Variants in NIBAN2 observed in about 807,000 individuals in gnomAD.
NIBAN2 encodes niban apoptosis regulator 2.
NIBAN2 carries 36 observed loss-of-function variants against 81.8 expected under a neutral mutation model. The ratio of observed to expected loss-of-function variants is 0.44; its 90% CI spans 0.34 to 0.58. The LOEUF is 0.58. NIBAN2 is among the 20% of genes least tolerant of loss of function. The pLI, the probability that NIBAN2 is intolerant of heterozygous loss-of-function variation, is 0.02. For synonymous variants in NIBAN2, 445 were observed against 441.6 expected (o/e 1.01, Z -0.10); for missense variants, 897 against 1,014.1 (o/e 0.88, Z 1.57).
In NIBAN2 at chr9:127,517,425, C is replaced by T. The variant is rs982561160; in HGVS notation, c.706-209G>A. 6.6e-6 allele frequency among the ~76,000 whole-genome samples: 1 copy of T among 152,214 alleles called. No homozygotes were observed. Among genetic ancestry groups the T allele is most frequent in the African/African-American group, 2.4e-5 (1 of 41,452 alleles). On this transcript the variant is annotated intron_variant, in intron 6 of 13. Coordinates refer to ENST00000373312, the MANE Select transcript of NIBAN2 (RefSeq NM_022833.4). The surrounding 1 kb of genome is among the most constrained non-coding windows in gnomAD (Gnocchi z 4.0). ...GGGTGTCCTGTAGGATCCTCAGACT[C>T]AAGGGCCAGCCCCAGGGCCTTTGCA...
chr9:127,570,032 C>A (rs1040022123), upstream of NIBAN2, among the ~76,000 whole-genome samples: 8 of 152,140 alleles, frequency 5.3e-5, no homozygotes, highest in African/African-American at 1.9e-4. Context: ...GTGGGATCCC[C>A]AGATCTCAAT....
In NIBAN2 at chr9:127,519,291, C is replaced by A. The variant is rs553223499; in HGVS notation, c.590-1350G>T. Reference sequence around the variant, plus strand: ...GTGCTGTCAGTGGCCCAAACGCCAGCAAGGTAAACCCCTGAGTGAGGCGTG... The same window carrying A: ...GTGCTGTCAGTGGCCCAAACGCCAGAAAGGTAAACCCCTGAGTGAGGCGTG... On this transcript the variant is annotated intron_variant, in intron 5 of 13. Transcript: ENST00000373312. 2.0e-5 allele frequency among the ~76,000 whole-genome samples: 3 copies of A among 151,910 alleles called. No homozygotes were observed. In the East Asian group the frequency reaches 5.8e-4, roughly 29 times the overall value.
intron 1 of NIBAN2, among the ~76,000 whole-genome samples, chr9:127,533,984 G>C (rs950565066): frequency 1.3e-5 from 2 of 152,232 alleles, no homozygotes; most frequent in African/African-American, 4.8e-5. Flanking sequence ...GGCCACATCA[G>C]GCTCAGCACG....
At chr9:127,557,852 T>C (rs1232310345) in intron 1 of NIBAN2, among the ~76,000 whole-genome samples, 2 of 152,152 alleles carry the variant, frequency 1.3e-5, no homozygotes, top group African/African-American at 4.8e-5. Context: ...GGCTCAAATC[T>C]TTCCCCATCC....
chr9:127,574,617 C>G (rs1416916029), intron 1 of NIBAN2, among the ~76,000 whole-genome samples: 2 of 152,064 alleles, frequency 1.3e-5, no homozygotes, highest in East Asian at 3.9e-4. Context: ...GGCACGGAGT[C>G]CCAGCTCTGC....
At chr9:127,578,401 C>T (rs1838034580) in intron 1 of NIBAN2, among the ~76,000 whole-genome samples, 1 of 148,756 alleles carries the variant, frequency 6.7e-6, no homozygotes, top group African/African-American at 2.5e-5. Context: ...ATGGCTTACA[C>T]CTGTAATCCC....
At position 127,523,168 on chromosome 9, in the gene NIBAN2, TTAAAA is replaced by T. The variant is rs1476963764; in HGVS notation, c.589+506_589+510del. Among the ~76,000 whole-genome samples, 41 of 19,006 alleles carry T rather than the reference TTAAAA, an allele frequency of 2.2e-3. 3 individuals carry two copies. Among genetic ancestry groups the T allele is most frequent in the Admixed American group, 4.2e-3 (6 of 1,422 alleles). The allele number at this position is 19,006 out of a possible 152,430, so 12.5% of individuals were successfully genotyped here. ...CAAATCACCCTGCAGGTTGGTGGTT[TTAAAA>T]AAAAAAAAAAAAAAAAAAAATATAT... On this transcript the variant is annotated intron_variant, in intron 5 of 13. Transcript: ENST00000373312.
At chr9:127,574,229 G>A (rs1246979455) in intron 1 of NIBAN2, among the ~76,000 whole-genome samples, 1 of 152,198 alleles carries the variant, frequency 6.6e-6, no homozygotes, top group South Asian at 2.1e-4. Context: ...CTGGAGCAGA[G>A]AGGAAAGGTT....
At chr9:127,573,226 C>G (rs1185455792), upstream of NIBAN2, among the ~76,000 whole-genome samples, 1 of 151,998 alleles carries the variant, frequency 6.6e-6, no homozygotes, top group Non-Finnish European at 1.5e-5. Flanking sequence ...CTAGGACTTC[C>G]TGCAGGGAAG....
intron 5 of NIBAN2, among the ~76,000 whole-genome samples, chr9:127,521,106 G>A (rs1005370021): frequency 9.2e-5 from 14 of 152,242 alleles, no homozygotes; most frequent in African/African-American, 3.1e-4. Context: ...TAGCTGCCCG[G>A]TCTGTGGTAT....
intron 1 of NIBAN2, among the ~76,000 whole-genome samples, chr9:127,577,344 C>T (rs116535143): frequency 6.6e-6 from 1 of 151,992 alleles, no homozygotes; most frequent in Non-Finnish European, 1.5e-5. Flanking sequence ...GAGGATGAGA[C>T]CCATACATAG....
chr9:127,526,078 T>C (rs1243172083), intron 3 of NIBAN2, among the ~76,000 whole-genome samples: 1 of 152,130 alleles, frequency 6.6e-6, no homozygotes, highest in Non-Finnish European at 1.5e-5. Flanking sequence ...TCTCTGATCT[T>C]CAACACCACC....
At chr9:127,523,006 C>T (rs1434816940) in intron 5 of NIBAN2, among the ~76,000 whole-genome samples, 1 of 151,020 alleles carries the variant, frequency 6.6e-6, no homozygotes, top group East Asian at 2.0e-4. Context: ...TCCCTTGTTG[C>T]ACACCCAGTG....
In NIBAN2 at chr9:127,565,484, T is replaced by A. The variant is rs1044526240; in HGVS notation, c.55+3336A>T. Among the ~76,000 whole-genome samples, 11 of 152,048 alleles carry A rather than the reference T, an allele frequency of 7.2e-5. No homozygotes were observed. In the East Asian group the frequency reaches 1.9e-3, roughly 27 times the overall value. On this transcript the variant is annotated intron_variant, in intron 1 of 13. Transcript: ENST00000373312. ...GTGGCTGAATTGTATGGTAGGTGAA[T>A]TACGCCTCAATAAAGCTATTATTTT... is the stretch of plus-strand genomic sequence containing the variant.
rs1358358283 is a variant in NIBAN2, at chr9:127,568,923, C to CGCGCTGCTCAGGCGG, written c.-64_-50dup. 3.2e-6 allele frequency: 4 copies of CGCGCTGCTCAGGCGG among 1,232,664 alleles called. No individual in the cohort carries two copies. Among genetic ancestry groups the CGCGCTGCTCAGGCGG allele is most frequent in the Non-Finnish European group, 1.0e-6 (1 of 988,676 alleles). The allele number at this position is 1,232,664 out of a possible 1,614,324, so 76.4% of individuals were successfully genotyped here. A position where few individuals can be genotyped will look rare whatever the true frequency, so the allele number is the denominator to read the frequency against. ...TCCGGCCGACGCCGCCGCTGTTGCCCGCGCTGCTCAGGCGGACGCCGCTGG... is the reference window on the plus strand; with the variant it reads ...TCCGGCCGACGCCGCCGCTGTTGCCCGCGCTGCTCAGGCGGGCGCTGCTCAGGCGGACGCCGCTGG... On this transcript the variant is annotated 5_prime_UTR_variant, in exon 1 of 14. Transcript: ENST00000373312.
intron 1 of NIBAN2, among the ~76,000 whole-genome samples, chr9:127,566,955 T>G (rs1362537572): frequency 1.3e-5 from 2 of 149,390 alleles, no homozygotes; most frequent in South Asian, 2.2e-4. Context: ...TTCGAGGCAT[T>G]TAAAGAGGAT....
chr9:127,546,379 C>T (rs1837471975), intron 1 of NIBAN2, among the ~76,000 whole-genome samples: 1 of 152,178 alleles, frequency 6.6e-6, no homozygotes, highest in African/African-American at 2.4e-5. Flanking sequence ...GACTGGGAAC[C>T]CAGGGTGCTC....
chr9:127,567,449 C>T (rs1837877794), intron 1 of NIBAN2, among the ~76,000 whole-genome samples: 1 of 152,188 alleles, frequency 6.6e-6, no homozygotes, highest in Non-Finnish European at 1.5e-5. Flanking sequence ...TCACATCACC[C>T]CAGTCACCCC....
intron 5 of NIBAN2, among the ~76,000 whole-genome samples, chr9:127,520,121 G>A (rs764875260): frequency 3.3e-5 from 5 of 152,042 alleles, no homozygotes; most frequent in Non-Finnish European, 7.4e-5. Flanking sequence ...AGCTCTTCCC[G>A]TGAGCCTAGC....
Sources: allele counts gnomAD v4.1 joint callset (sites outside exome capture counted in the v4.1 genomes callset), GRCh38; gene constraint gnomAD v4.1.1; non-coding constraint Gnocchi (gnomAD v3.1); transcripts MANE v1.5; gene names NCBI Gene and HGNC (gene_info 2026-07-23, HGNC 2026-07-21).